Variants in ZBTB44 observed in about 807,000 individuals in gnomAD.
ZBTB44 encodes zinc finger and BTB domain containing 44, also known as zinc finger and BTB domain-containing protein 44.
ZBTB44 carries 15 observed loss-of-function variants against 54.0 expected under a neutral mutation model. The ratio of observed to expected loss-of-function variants is 0.28; its 90% CI spans 0.19 to 0.43. The LOEUF is 0.43. Among genes scored for constraint, ZBTB44 ranks in the 20% least tolerant of loss-of-function variants. The probability of loss-of-function intolerance (pLI) is 1.00; values close to 1 mark genes in which losing one functional copy is unlikely to be tolerated. For missense variants in ZBTB44, 487 were observed against 707.1 expected (o/e 0.69, Z 3.53); for synonymous variants, 230 against 250.1 (o/e 0.92, Z 0.76).
At chr11:130,278,620 CATT>C (rs1255247495) in intron 1 of ZBTB44, among the ~76,000 whole-genome samples, 3 of 152,266 alleles carry the variant, frequency 2.0e-5, no homozygotes, top group South Asian at 2.1e-4. Flanking sequence ...AAGCTCTACT[CATT>C]ATTATCTTAT....
intron 2 of ZBTB44, among the ~76,000 whole-genome samples, chr11:130,259,845 G>A (rs1215755554): frequency 6.6e-6 from 1 of 151,856 alleles, no homozygotes; most frequent in Non-Finnish European, 1.5e-5. Context: ...GGATAAATAC[G>A]TAACGCAGAT....
chr11:130,285,642 A>G, intron 1 of ZBTB44: 2 of 262,578 alleles, frequency 7.6e-6, no homozygotes, highest in Non-Finnish European at 1.5e-5. Flanking sequence ...AATATCCCCT[A>G]CTTCACAGTC....
chr11:130,256,609 C>T (rs1424735696), intron 2 of ZBTB44, among the ~76,000 whole-genome samples: 2 of 150,882 alleles, frequency 1.3e-5, no homozygotes, highest in Non-Finnish European at 2.9e-5. Context: ...GAGCTGAGAT[C>T]ACACCACTGC....
chr11:130,292,390 T>C (rs1215468891), intron 1 of ZBTB44, among the ~76,000 whole-genome samples: 2 of 152,198 alleles, frequency 1.3e-5, no homozygotes, highest in African/African-American at 2.4e-5. Flanking sequence ...GATCAGTAAG[T>C]AGTTTACAGA....
At chr11:130,268,903 G>A (rs537876014) in intron 1 of ZBTB44, among the ~76,000 whole-genome samples, 180 of 150,596 alleles carry the variant, frequency 1.2e-3, no homozygotes, top group African/African-American at 4.3e-3. Flanking sequence ...GAGAGAGAGA[G>A]AGAAAAAAAG....
At chr11:130,238,793 G>GT (rs376319486) in intron 3 of ZBTB44, 186 bp from the exon 4 acceptor site, 66,633 of 475,386 alleles carry the variant, frequency 0.14, 5 homozygotes, top group East Asian at 0.18. Context: ...AATGCCTTTT[G>GT]TTTTTTTTTT....
chr11:130,243,053 T>C (rs936713166), intron 2 of ZBTB44, among the ~76,000 whole-genome samples: 1 of 152,246 alleles, frequency 6.6e-6, no homozygotes, highest in South Asian at 2.1e-4. Context: ...ATTTTTCTTT[T>C]CTAAAAGTCC....
chr11:130,236,540 A>G (rs1440951098), intron 5 of ZBTB44: 2 of 362,728 alleles, frequency 5.5e-6, no homozygotes, highest in Admixed American at 4.4e-5. Flanking sequence ...AAATATCTCA[A>G]GAGGACAAGT....
chr11:130,295,663 A>G lies in ZBTB44; in HGVS notation c.-57+18712T>C, dbSNP rs187171913. 389 of 1,261,114 alleles carry G rather than the reference A, an allele frequency of 3.1e-4. 7 individuals carry two copies. The East Asian group carries it at 3.6e-3, about 12-fold the overall frequency. The allele number at this position is 1,261,114 out of a possible 1,614,324, so 78.1% of individuals were successfully genotyped here. A position where few individuals can be genotyped will look rare whatever the true frequency, so the allele number is the denominator to read the frequency against. On this transcript the variant is annotated intron_variant, in intron 1 of 7. Coordinates refer to ENST00000357899, the MANE Select transcript of ZBTB44 (RefSeq NM_001301098.2). ...AAAATGGGTTTTACCAACATGACTG[A>G]AATTCAGCATGAAAGTATCAGACCA...
chr11:130,252,487 C>CG (rs1938096650), intron 2 of ZBTB44, among the ~76,000 whole-genome samples: 1 of 152,136 alleles, frequency 6.6e-6, no homozygotes, highest in Admixed American at 6.5e-5. Context: ...TTCTCAGCAC[C>CG]GCATGGCACT....
intron 1 of ZBTB44, among the ~76,000 whole-genome samples, chr11:130,263,129 C>T (rs1016891738): frequency 1.3e-5 from 2 of 152,224 alleles, no homozygotes; most frequent in Non-Finnish European, 2.9e-5. Flanking sequence ...TGTTCCATGT[C>T]AGACTTCACA....
Position 130,229,650 on chromosome 11 carries a change from T to G in ZBTB44, c.*2114A>C, listed in dbSNP as rs927083855. Reference sequence around the variant, plus strand: ...GTATGCTTAGTTTTAATATTCCTCATAGACATGTTTGCCACAACAGAGCTT... The same window carrying G: ...GTATGCTTAGTTTTAATATTCCTCAGAGACATGTTTGCCACAACAGAGCTT... On this transcript the variant is annotated 3_prime_UTR_variant, in exon 8 of 8. Transcript: ENST00000357899. 1.3e-5 allele frequency: 2 copies of G among 152,218 alleles called. No individual in the cohort carries two copies. The allele number at this position is 152,218 out of a possible 1,614,324, so 9.4% of individuals were successfully genotyped here.
At chr11:130,273,984 G>A (rs1939870540) in intron 1 of ZBTB44, among the ~76,000 whole-genome samples, 1 of 151,500 alleles carries the variant, frequency 6.6e-6, no homozygotes, top group Admixed American at 6.6e-5. Context: ...GCTAGTAGGG[G>A]GGCTGAGGCA....
At chr11:130,290,146 G>T (rs905324365) in intron 1 of ZBTB44, among the ~76,000 whole-genome samples, 9 of 152,178 alleles carry the variant, frequency 5.9e-5, no homozygotes, top group African/African-American at 2.2e-4. Flanking sequence ...TGTAGACTTG[G>T]CACACACAGG....
At chr11:130,277,887 G>C (rs980955886) in intron 1 of ZBTB44, among the ~76,000 whole-genome samples, 1 of 151,974 alleles carries the variant, frequency 6.6e-6, no homozygotes, top group Non-Finnish European at 1.5e-5. Context: ...AAGATTTTTG[G>C]TTGACAGTTT....
intron 1 of ZBTB44, among the ~76,000 whole-genome samples, chr11:130,283,468 ACTG>A (rs1940690485): frequency 6.6e-6 from 1 of 152,196 alleles, no homozygotes; most frequent in African/African-American, 2.4e-5. Context: ...ACTCAAAAGA[ACTG>A]CAGGGAACAA....
At chr11:130,298,505 C>G (rs1164382434) in intron 1 of ZBTB44, among the ~76,000 whole-genome samples, 4 of 145,742 alleles carry the variant, frequency 2.7e-5, no homozygotes, top group Non-Finnish European at 6.0e-5. Flanking sequence ...CTCTGTCACC[C>G]AGGCTGGAGT....
In ZBTB44 at chr11:130,314,451, G is replaced by T. The variant is rs1398508450; in HGVS notation, c.-133C>A. 2 of 144,590 alleles carry T rather than the reference G, an allele frequency of 1.4e-5. No homozygotes were observed. The highest frequency in any genetic ancestry group is 1.9e-4 in the South Asian group (1 of 5,312). 9.0% of individuals were successfully genotyped at this position (144,590 alleles called of 1,614,324 possible). On this transcript the variant is annotated 5_prime_UTR_variant, in exon 1 of 8. Transcript: ENST00000357899. ...CGCCAGGCTGGGGCGGCGAGGCGGCGGCGGCGGCGGCCCGGGGGGAGGGGG... is the reference window on the plus strand; with the variant it reads ...CGCCAGGCTGGGGCGGCGAGGCGGCTGCGGCGGCGGCCCGGGGGGAGGGGG...
intron 1 of ZBTB44, among the ~76,000 whole-genome samples, chr11:130,262,414 C>T (rs1938935477): frequency 6.6e-6 from 1 of 152,134 alleles, no homozygotes. Flanking sequence ...GCTGGGATTA[C>T]AGGTGTGAGC....
Sources: allele counts gnomAD v4.1 joint callset (sites outside exome capture counted in the v4.1 genomes callset), GRCh38; gene constraint gnomAD v4.1.1; transcripts MANE v1.5; gene names NCBI Gene and HGNC (gene_info 2026-07-23, HGNC 2026-07-21).